ABCB5: variants seen among roughly 807,000 people sequenced by gnomAD.
The protein encoded by ABCB5 is ATP-binding cassette sub-family B member 5.
In ABCB5, 155 loss-of-function variants were observed where a neutral mutation model predicts 144.2. That is an observed-to-expected ratio of 1.08 (90% confidence interval 0.94 to 1.23). The LOEUF is 1.23. Ranked by LOEUF, ABCB5 falls within the 50% of genes most tolerant of loss-of-function variation. The pLI, the probability that ABCB5 is intolerant of heterozygous loss-of-function variation, is 0.00. For missense variants in ABCB5, 1,830 were observed against 1,520.8 expected (o/e 1.20, Z -3.38); for synonymous variants, 610 against 528.6 (o/e 1.15, Z -2.11).
Position 20,755,772 on chromosome 7 carries a change from C to A in ABCB5, c.*148C>A. ...GTACATACATGTTCTATTCACACAC[C>A]ATCTGACCTTCAGATTTTTAAAAGG... On this transcript the variant is annotated 3_prime_UTR_variant, in exon 28 of 28. Coordinates refer to ENST00000404938, the MANE Select transcript of ABCB5 (RefSeq NM_001163941.2). The A allele has an allele frequency of 2.6e-6, 2 of 755,928 alleles. No individual in the cohort carries two copies. The highest frequency in any genetic ancestry group is 4.1e-6 in the Non-Finnish European group (2 of 488,566). 46.8% of individuals were successfully genotyped at this position (755,928 alleles called of 1,614,324 possible).
intron 5 of ABCB5, among the ~76,000 whole-genome samples, chr7:20,639,997 T>C (rs1008376051): frequency 2.6e-5 from 4 of 152,166 alleles, no homozygotes; most frequent in Admixed American, 1.3e-4. Context: ...GGATTGTCTC[T>C]TCATTTATTT....
intron 20 of ABCB5, among the ~76,000 whole-genome samples, chr7:20,709,381 G>A (rs1392645851): frequency 1.3e-5 from 2 of 149,726 alleles, no homozygotes; most frequent in African/African-American, 4.9e-5. Context: ...TCCTGTAAGT[G>A]GGGAATATTG....
intron 2 of ABCB5, among the ~76,000 whole-genome samples, chr7:20,625,966 C>A (rs1783899126): frequency 6.6e-6 from 1 of 152,164 alleles, no homozygotes; most frequent in South Asian, 2.1e-4. Context: ...TAGAAAAATT[C>A]CAACACCTAC....
intron 16 of ABCB5, among the ~76,000 whole-genome samples, chr7:20,686,515 T>C (rs948914218): frequency 6.6e-6 from 1 of 152,076 alleles, no homozygotes; most frequent in African/African-American, 2.4e-5. Context: ...CTGAACATTC[T>C]CTGCAGCACC....
chr7:20,681,488 T>C lies in ABCB5; in HGVS notation c.1708-17T>C. On this transcript the variant is annotated splice_polypyrimidine_tract_variant and intron_variant, in intron 14 of 27. Transcript: ENST00000404938. ...TCTACTAATGTCTATTTATTTTCTA[T>C]GCATTTTATTCTGTAGGCGAGCAAA... 2 of 1,612,994 alleles carry C rather than the reference T, an allele frequency of 1.2e-6. No homozygotes were observed. The highest frequency in any genetic ancestry group is 1.3e-5 in the African/African-American group (1 of 74,986).
chr7:20,669,434 C>A (rs1300964919), intron 14 of ABCB5, among the ~76,000 whole-genome samples: 18 of 139,562 alleles, frequency 1.3e-4, no homozygotes, highest in Admixed American at 1.2e-3. Context: ...TTATCCCCAA[C>A]CCTGTGCTCT....
intron 9 of ABCB5, 22 bp downstream of exon 9, chr7:20,646,160 G>A (rs761414315): frequency 1.2e-6 from 2 of 1,602,636 alleles, no homozygotes; most frequent in Non-Finnish European, 1.7e-6. Flanking sequence ...TTGAGAACAA[G>A]GTGTCAGGCC....
chr7:20,725,095 A>G (rs1230544049), intron 21 of ABCB5, among the ~76,000 whole-genome samples: 1 of 152,036 alleles, frequency 6.6e-6, no homozygotes, highest in East Asian at 1.9e-4. Flanking sequence ...CTTTTCCTTT[A>G]TGTATCATTA....
chr7:20,638,118 A>T (rs1583384099), intron 5 of ABCB5, among the ~76,000 whole-genome samples: 2 of 152,166 alleles, frequency 1.3e-5, no homozygotes, highest in Non-Finnish European at 2.9e-5. Context: ...ATAGTTTTTT[A>T]AAAAGTGAGT....
At chr7:20,681,412 C>T (rs1310239645) in intron 14 of ABCB5, 93 bp from the exon 15 acceptor site, 3 of 1,384,928 alleles carry the variant, frequency 2.2e-6, no homozygotes, top group Non-Finnish European at 2.9e-6. Flanking sequence ...CAGGCATGAG[C>T]CACCATGCCG....
rs916203274 is a variant in ABCB5 at position 20,647,169 on chromosome 7, C to A, written c.982-366C>A. On this transcript the variant is annotated intron_variant, in intron 9 of 27. Transcript: ENST00000404938. Reference sequence around the variant, plus strand: ...TCTTTTTAAAGTTCAAGGGGTCACCCAACAAGGAGGGGAGTGCAACTCACC... The same window carrying A: ...TCTTTTTAAAGTTCAAGGGGTCACCAAACAAGGAGGGGAGTGCAACTCACC... 8.5e-6 allele frequency: 4 copies of A among 468,044 alleles called. No homozygotes were observed. The Admixed American group carries it at 2.6e-4, about 30-fold the overall frequency. 29.0% of individuals were successfully genotyped at this position (468,044 alleles called of 1,614,324 possible).
At chr7:20,745,724 T>G (rs199907431) in intron 26 of ABCB5, among the ~76,000 whole-genome samples, 2 of 152,170 alleles carry the variant, frequency 1.3e-5, no homozygotes, top group African/African-American at 2.4e-5. Flanking sequence ...CACTATGACC[T>G]CCCCGCCACG....
At chr7:20,720,816 C>T (rs867848544) in intron 20 of ABCB5, among the ~76,000 whole-genome samples, 3 of 151,500 alleles carry the variant, frequency 2.0e-5, no homozygotes, top group Non-Finnish European at 2.9e-5. Context: ...TGGTGGTGCG[C>T]GCCTGTAGTC....
At chr7:20,749,800 T>C (rs1782860938) in intron 26 of ABCB5, among the ~76,000 whole-genome samples, 1 of 152,128 alleles carries the variant, frequency 6.6e-6, no homozygotes, top group African/African-American at 2.4e-5. Flanking sequence ...TAAGAGGTGA[T>C]CTGAGTATTG....
chr7:20,721,677 A>G (rs185050859), intron 20 of ABCB5, among the ~76,000 whole-genome samples: 15 of 152,292 alleles, frequency 9.8e-5, no homozygotes, highest in African/African-American at 3.4e-4. Context: ...TAATATCTTC[A>G]CCAATAGAAA....
intron 4 of ABCB5, among the ~76,000 whole-genome samples, chr7:20,631,506 G>T (rs991229487): frequency 1.1e-4 from 17 of 152,036 alleles, no homozygotes; most frequent in African/African-American, 3.6e-4. Context: ...CAGGACTTTG[G>T]TATATTAATC....
At chr7:20,731,867 G>A (rs1421850533) in intron 23 of ABCB5, among the ~76,000 whole-genome samples, 1 of 152,036 alleles carries the variant, frequency 6.6e-6, no homozygotes, top group East Asian at 1.9e-4. Flanking sequence ...TGTCTTGACT[G>A]GACCACTGCA....
intron 20 of ABCB5, among the ~76,000 whole-genome samples, chr7:20,719,177 C>CA (rs1374374732): frequency 6.6e-6 from 1 of 151,914 alleles, no homozygotes; most frequent in Non-Finnish European, 1.5e-5. Context: ...ATGATCAGAG[C>CA]AAAAAATATA....
intron 3 of ABCB5, among the ~76,000 whole-genome samples, chr7:20,626,866 T>C: frequency 6.6e-6 from 1 of 151,436 alleles, no homozygotes; most frequent in African/African-American, 2.4e-5. Flanking sequence ...TGTGTGTGTG[T>C]GTGTGTGTGT....
Sources: allele counts gnomAD v4.1 joint callset (sites outside exome capture counted in the v4.1 genomes callset), GRCh38; gene constraint gnomAD v4.1.1; transcripts MANE v1.5; gene names NCBI Gene and HGNC (gene_info 2026-07-23, HGNC 2026-07-21).